The following GALNTL6 variants were observed in gnomAD, a reference collection of about 807,000 sequenced individuals.
GALNTL6 encodes polypeptide N-acetylgalactosaminyltransferase-like 6.
A neutral mutation model predicts 73.7 loss-of-function variants in GALNTL6; 46 were observed. The observed-to-expected ratio is 0.62, with a 90% CI of 0.49 to 0.80. The LOEUF (loss-of-function observed/expected upper bound fraction) is 0.80. Among genes scored for constraint, GALNTL6 ranks in the 30% least tolerant of loss-of-function variants. The pLI is 0.00. For synonymous variants in GALNTL6, 259 were observed against 263.7 expected, an observed-to-expected ratio of 0.98 and a Z score of 0.17; for missense variants, 604 against 755.0, an observed-to-expected ratio of 0.80 and a Z score of 2.34.
At chr4:172,237,348 A>G (rs988189711) in intron 3 of GALNTL6, among the ~76,000 whole-genome samples, 2 of 152,198 alleles carry the variant, frequency 1.3e-5, no homozygotes, top group Non-Finnish European at 2.9e-5. Context: ...GTGATCACTA[A>G]TGATGAGTGA....
intron 5 of GALNTL6, among the ~76,000 whole-genome samples, chr4:172,471,454 A>G (rs1300519789): frequency 1.3e-5 from 2 of 152,126 alleles, no homozygotes; most frequent in African/African-American, 2.4e-5. Flanking sequence ...TCTCCAACTC[A>G]TTGTGCAGTT....
chr4:172,494,186 T>C (rs1270156776), intron 5 of GALNTL6, among the ~76,000 whole-genome samples: 2 of 152,228 alleles, frequency 1.3e-5, no homozygotes, highest in African/African-American at 4.8e-5. Context: ...CTTATTTTTG[T>C]CAGGCACTGT....
chr4:172,746,687 G>C (rs1255053386), intron 5 of GALNTL6, among the ~76,000 whole-genome samples: 5 of 151,954 alleles, frequency 3.3e-5, no homozygotes, highest in African/African-American at 1.2e-4. Flanking sequence ...AGGTATAAAA[G>C]GAATGCTCCT....
intron 7 of GALNTL6, among the ~76,000 whole-genome samples, chr4:172,846,293 GA>G (rs1403318489): frequency 6.6e-6 from 1 of 152,066 alleles, no homozygotes; most frequent in Non-Finnish European, 1.5e-5. Flanking sequence ...ATGAACCTTA[GA>G]AAATATAATA....
At chr4:172,189,309 A>C (rs1243610300) in intron 2 of GALNTL6, among the ~76,000 whole-genome samples, 3 of 152,212 alleles carry the variant, frequency 2.0e-5, no homozygotes, top group African/African-American at 7.2e-5. Flanking sequence ...AATAAGCACT[A>C]ATTCTACAAA....
At chr4:171,912,250 A>T (rs1465121865) in intron 2 of GALNTL6, among the ~76,000 whole-genome samples, 1 of 152,152 alleles carries the variant, frequency 6.6e-6, no homozygotes, top group Admixed American at 6.5e-5. Flanking sequence ...TCTTTTTGGC[A>T]TAACAGTAAA....
intron 2 of GALNTL6, among the ~76,000 whole-genome samples, chr4:172,101,764 TA>T (rs1325190404): frequency 6.6e-6 from 1 of 152,140 alleles, no homozygotes; most frequent in Non-Finnish European, 1.5e-5. Flanking sequence ...GATTCTAACT[TA>T]AATTAACAAT....
chr4:172,759,994 G>A (rs1410239296), intron 5 of GALNTL6, among the ~76,000 whole-genome samples: 3 of 150,698 alleles, frequency 2.0e-5, no homozygotes, highest in East Asian at 2.0e-4. Context: ...CCGCCACCGC[G>A]CCCGGCTAAT....
intron 2 of GALNTL6, among the ~76,000 whole-genome samples, chr4:171,897,647 C>T (rs1052645728): frequency 6.6e-6 from 1 of 151,822 alleles, no homozygotes; most frequent in Non-Finnish European, 1.5e-5. Context: ...ATGGTGAAAC[C>T]CCTTTTCTTT....
intron 3 of GALNTL6, among the ~76,000 whole-genome samples, chr4:172,240,355 C>T (rs1025932632): frequency 5.9e-5 from 9 of 152,072 alleles, no homozygotes; most frequent in Non-Finnish European, 1.0e-4. Context: ...TCCTAAGTAG[C>T]AGGGACTACA....
intron 5 of GALNTL6, among the ~76,000 whole-genome samples, chr4:172,394,813 A>G (rs1010096641): frequency 3.9e-5 from 6 of 152,116 alleles, no homozygotes; most frequent in African/African-American, 7.2e-5. Flanking sequence ...TGACAAGCAG[A>G]TATTTACTAA....
At chr4:172,237,496 T>C (rs1737280931) in intron 3 of GALNTL6, among the ~76,000 whole-genome samples, 1 of 152,224 alleles carries the variant, frequency 6.6e-6, no homozygotes. Flanking sequence ...TAGATCTTTG[T>C]CAGATGCATA....
chr4:172,643,373 C>T lies in GALNTL6; in HGVS notation c.554-165988C>T, dbSNP rs376201586. On this transcript the variant is annotated intron_variant, in intron 5 of 12. Coordinates refer to ENST00000506823, the MANE Select transcript of GALNTL6 (RefSeq NM_001034845.3). ...AACAGAATTTAAATTGAATGTGGTA[C>T]CTCAGGAGAGGTTTTAAAAGTAAAC... Among the ~76,000 whole-genome samples, 11 of 151,904 alleles carry T rather than the reference C, an allele frequency of 7.2e-5. No individual in the cohort carries two copies. The East Asian group carries it at 1.4e-3, about 19-fold the overall frequency.
chr4:172,429,516 G>C (rs921531862), intron 5 of GALNTL6, among the ~76,000 whole-genome samples: 4 of 152,084 alleles, frequency 2.6e-5, no homozygotes, highest in African/African-American at 9.7e-5. Context: ...CTCACCTTAA[G>C]AGTCAAAATT....
intron 7 of GALNTL6, among the ~76,000 whole-genome samples, chr4:172,862,449 A>G (rs1744443453): frequency 6.6e-6 from 1 of 152,192 alleles, no homozygotes; most frequent in East Asian, 1.9e-4. Flanking sequence ...TAGAAAAGAA[A>G]AACCCTTGGG....
At position 172,282,047 on chromosome 4, in the gene GALNTL6, T is replaced by G. The variant is rs184012551; in HGVS notation, c.248-29567T>G. Among the ~76,000 whole-genome samples, 220 of 152,298 alleles carry G rather than the reference T, an allele frequency of 1.4e-3. 1 individual carries two copies. The highest frequency in any genetic ancestry group is 4.9e-3 in the African/African-American group (202 of 41,560). On this transcript the variant is annotated intron_variant, in intron 3 of 12. Transcript: ENST00000506823. ...AAAGTACTGGCTACAAAGAAAAATA[T>G]TGATAAACTGAATTACAATATAATT...
chr4:172,130,971 G>A (rs1366617262), intron 2 of GALNTL6, among the ~76,000 whole-genome samples: 1 of 152,018 alleles, frequency 6.6e-6, no homozygotes, highest in East Asian at 1.9e-4. Flanking sequence ...TATACCTCAT[G>A]TAATATTTTA....
intron 5 of GALNTL6, among the ~76,000 whole-genome samples, chr4:172,807,519 C>T (rs2110979879): frequency 6.6e-6 from 1 of 152,340 alleles, no homozygotes; most frequent in East Asian, 1.9e-4. Flanking sequence ...ACCAGTCTCA[C>T]TCAAGCCTAA....
At chr4:171,840,181 T>A (rs550159710) in intron 2 of GALNTL6, among the ~76,000 whole-genome samples, 7 of 152,326 alleles carry the variant, frequency 4.6e-5, no homozygotes, top group African/African-American at 1.7e-4. Flanking sequence ...AAACAAATTT[T>A]ATTAACAGGG....
Sources: gnomAD v4.1 joint callset for allele counts (sites outside exome capture counted in the v4.1 genomes callset) on GRCh38, gnomAD v4.1.1 for gene constraint, MANE v1.5 for transcripts, NCBI Gene and HGNC (gene_info 2026-07-23, HGNC 2026-07-21) for gene names.